Variants in RNGTT observed in about 807,000 individuals in gnomAD.
RNGTT encodes RNA guanylyltransferase and 5'-phosphatase.
RNGTT carries 33 observed loss-of-function variants against 79.3 expected under a neutral mutation model. The ratio of observed to expected loss-of-function variants is 0.42; its 90% CI spans 0.32 to 0.56. The LOEUF is 0.56. Among genes scored for constraint, RNGTT ranks in the 20% least tolerant of loss-of-function variants. The pLI is 0.17. For missense variants in RNGTT, 497 were observed against 739.1 expected (o/e 0.67, Z 3.80); for synonymous variants, 222 against 235.9 (o/e 0.94, Z 0.54).
intron 8 of RNGTT, among the ~76,000 whole-genome samples, chr6:88,883,515 C>T (rs951933395): frequency 6.6e-6 from 1 of 152,172 alleles, no homozygotes; most frequent in Non-Finnish European, 1.5e-5. Flanking sequence ...ATCAGCATGA[C>T]TCAGTTCCAA....
At chr6:88,676,865 C>T (rs1774896046) in intron 14 of RNGTT, among the ~76,000 whole-genome samples, 1 of 152,172 alleles carries the variant, frequency 6.6e-6, no homozygotes, top group African/African-American at 2.4e-5. Flanking sequence ...TGTAATACAA[C>T]TACCACATGA....
chr6:88,670,581 C>T (rs1201312743), intron 14 of RNGTT, among the ~76,000 whole-genome samples: 7 of 152,168 alleles, frequency 4.6e-5, no homozygotes, highest in Non-Finnish European at 8.8e-5. Flanking sequence ...GAAGTGAGAT[C>T]AATGGCCAGA....
At chr6:88,687,058 T>C (rs1775306169) in intron 13 of RNGTT, among the ~76,000 whole-genome samples, 1 of 151,934 alleles carries the variant, frequency 6.6e-6, no homozygotes, top group Admixed American at 6.6e-5. Flanking sequence ...ATTTGTAACA[T>C]ATACCACAGA....
intron 13 of RNGTT, among the ~76,000 whole-genome samples, chr6:88,681,553 T>C (rs1455860447): frequency 6.6e-6 from 1 of 152,178 alleles, no homozygotes; most frequent in Non-Finnish European, 1.5e-5. Flanking sequence ...AAAATGGATT[T>C]CTTTAAATAC....
Position 88,901,222 on chromosome 6 carries a change from G to A in RNGTT, c.684+3493C>T, listed in dbSNP as rs1783444756. On this transcript the variant is annotated intron_variant, in intron 6 of 15. Coordinates refer to ENST00000369485, the MANE Select transcript of RNGTT (RefSeq NM_003800.5). ...TCCAGAAGAAAGAACAAATAGATCTGAAACAATACTTAAAAAGATAACAGC... is the reference window on the plus strand; with the variant it reads ...TCCAGAAGAAAGAACAAATAGATCTAAAACAATACTTAAAAAGATAACAGC... Among the ~76,000 whole-genome samples the A allele has an allele frequency of 3.3e-5, 5 of 151,534 alleles. No individual in the cohort carries two copies. The South Asian group carries it at 1.0e-3, about 31-fold the overall frequency.
chr6:88,806,882 T>C (rs1779973149), intron 11 of RNGTT, among the ~76,000 whole-genome samples: 1 of 152,082 alleles, frequency 6.6e-6, no homozygotes, highest in South Asian at 2.1e-4. Context: ...GAAAATATGA[T>C]ACATATACAC....
intron 14 of RNGTT, among the ~76,000 whole-genome samples, chr6:88,624,216 A>G (rs1220178537): frequency 2.0e-5 from 3 of 151,898 alleles, no homozygotes; most frequent in African/African-American, 7.2e-5. Context: ...AAAATCCCCA[A>G]AGGATTTTTT....
intron 8 of RNGTT, among the ~76,000 whole-genome samples, chr6:88,880,831 T>C (rs1366573844): frequency 2.6e-5 from 4 of 152,188 alleles, no homozygotes; most frequent in Admixed American, 6.5e-5. Context: ...CAATTGATGT[T>C]GAATTATTTT....
chr6:88,810,929 C>CAATA (rs1374562796), intron 11 of RNGTT, among the ~76,000 whole-genome samples: 1 of 152,150 alleles, frequency 6.6e-6, no homozygotes. Flanking sequence ...TATGAGGACC[C>CAATA]AATAACAACA....
chr6:88,615,527 T>G (rs1459451504), intron 14 of RNGTT, among the ~76,000 whole-genome samples: 2 of 152,170 alleles, frequency 1.3e-5, no homozygotes, highest in African/African-American at 4.8e-5. Context: ...AGTAGCAAAC[T>G]TGCCAAATTT....
At chr6:88,775,157 A>G (rs1338279285) in intron 12 of RNGTT, among the ~76,000 whole-genome samples, 1 of 152,166 alleles carries the variant, frequency 6.6e-6, no homozygotes, top group African/African-American at 2.4e-5. Context: ...ACAATGTTTG[A>G]TATACACAGT....
chr6:88,725,486 A>T (rs992266580), intron 13 of RNGTT, among the ~76,000 whole-genome samples: 5 of 152,250 alleles, frequency 3.3e-5, no homozygotes, highest in African/African-American at 1.2e-4. Flanking sequence ...CTTAGTCAGG[A>T]CTAGGGAAAG....
At chr6:88,848,162 C>A (rs1582538221) in intron 10 of RNGTT, among the ~76,000 whole-genome samples, 2 of 151,284 alleles carry the variant, frequency 1.3e-5, no homozygotes, top group East Asian at 1.9e-4. Context: ...CAGGATGATA[C>A]CATTTCACAC....
chr6:88,900,103 C>T (rs74743347), intron 6 of RNGTT, among the ~76,000 whole-genome samples: 3 of 148,896 alleles, frequency 2.0e-5, no homozygotes, highest in Admixed American at 6.7e-5. Context: ...TAAACAATGT[C>T]TAGTATTCAA....
At chr6:88,646,991 T>G (rs1339431142) in intron 14 of RNGTT, among the ~76,000 whole-genome samples, 1 of 152,194 alleles carries the variant, frequency 6.6e-6, no homozygotes, top group Non-Finnish European at 1.5e-5. Flanking sequence ...CTGCACGTTG[T>G]GCACATGTAC....
chr6:88,781,533 A>G (rs1779064487), intron 12 of RNGTT, among the ~76,000 whole-genome samples: 1 of 152,178 alleles, frequency 6.6e-6, no homozygotes, highest in Admixed American at 6.5e-5. Flanking sequence ...TTATGAACGC[A>G]CATTCTTCAA....
At chr6:88,692,838 AAT>A (rs747996036) in intron 13 of RNGTT, among the ~76,000 whole-genome samples, 2 of 151,712 alleles carry the variant, frequency 1.3e-5, no homozygotes, top group Non-Finnish European at 1.5e-5. Flanking sequence ...TTTTGTTTAA[AAT>A]ATATATATAT....
intron 12 of RNGTT, among the ~76,000 whole-genome samples, chr6:88,771,337 A>G (rs1167993349): frequency 1.5e-4 from 20 of 131,198 alleles, no homozygotes; most frequent in Non-Finnish European, 2.1e-4. Context: ...ATATATATAT[A>G]TATATATATA....
intron 1 of RNGTT, among the ~76,000 whole-genome samples, chr6:88,942,542 T>C (rs1025790432): frequency 1.3e-5 from 2 of 151,888 alleles, no homozygotes; most frequent in Non-Finnish European, 2.9e-5. Flanking sequence ...GCTAATTTTT[T>C]GTGTTTTTTG....
Sources: allele counts gnomAD v4.1 joint callset (sites outside exome capture counted in the v4.1 genomes callset), GRCh38; gene constraint gnomAD v4.1.1; transcripts MANE v1.5; gene names NCBI Gene and HGNC (gene_info 2026-07-23, HGNC 2026-07-21).